The following CADM2 variants were observed in gnomAD, a reference collection of about 807,000 sequenced individuals.
CADM2 encodes cell adhesion molecule 2.
CADM2 carries 12 observed loss-of-function variants against 49.8 expected under a neutral mutation model. The observed-to-expected ratio is 0.24, with a 90% CI of 0.15 to 0.39. The LOEUF (loss-of-function observed/expected upper bound fraction) is 0.39, where lower values mean the gene tolerates loss of function less well. CADM2 is among the 10% of genes least tolerant of loss of function. CADM2 has a pLI of 1.00. For missense variants in CADM2, 378 were observed against 492.3 expected, an observed-to-expected ratio of 0.77 and a Z score of 2.20; for synonymous variants, 214 against 175.4, an observed-to-expected ratio of 1.22 and a Z score of -1.74.
intron 1 of CADM2, among the ~76,000 whole-genome samples, chr3:85,540,884 C>T (rs4856272): frequency 0.87 from 132,862 of 152,138 alleles, 58,168 homozygotes; most frequent in East Asian, 0.95. Context: ...TGTGTCCTCA[C>T]ATGGTTCATC....
chr3:85,913,000 C>T (rs934422919), intron 6 of CADM2, among the ~76,000 whole-genome samples: 1 of 152,028 alleles, frequency 6.6e-6, no homozygotes, highest in African/African-American at 2.4e-5. Flanking sequence ...AATATAGGAG[C>T]TTATTTATTA....
At chr3:85,905,943 A>C (rs1200262513) in intron 5 of CADM2, among the ~76,000 whole-genome samples, 2 of 152,284 alleles carry the variant, frequency 1.3e-5, no homozygotes, top group South Asian at 2.1e-4. Flanking sequence ...CTATAGGTAG[A>C]TGAGGAGCAG....
At chr3:85,716,394 C>T (rs908195293) in intron 1 of CADM2, among the ~76,000 whole-genome samples, 1 of 152,064 alleles carries the variant, frequency 6.6e-6, no homozygotes, top group African/African-American at 2.4e-5. Context: ...CTTGTAGATT[C>T]TAGATATTAG....
intron 2 of CADM2, among the ~76,000 whole-genome samples, chr3:85,775,960 T>C (rs2070339873): frequency 6.6e-6 from 1 of 151,872 alleles, no homozygotes; most frequent in Non-Finnish European, 1.5e-5. Flanking sequence ...GGCAACTATT[T>C]CTAACACGAA....
intron 1 of CADM2, among the ~76,000 whole-genome samples, chr3:85,493,418 C>A (rs2107650978): frequency 6.9e-6 from 1 of 144,688 alleles, no homozygotes; most frequent in African/African-American, 2.4e-5. Context: ...TATCAACTTT[C>A]ATTAAATTTT....
chr3:85,738,804 T>G (rs1289822493), intron 2 of CADM2, among the ~76,000 whole-genome samples: 1 of 152,164 alleles, frequency 6.6e-6, no homozygotes, highest in Non-Finnish European at 1.5e-5. Context: ...TCATCTTTAT[T>G]TGTTCTATTT....
intron 1 of CADM2, among the ~76,000 whole-genome samples, chr3:85,486,779 T>C (rs932958730): frequency 6.6e-6 from 1 of 152,176 alleles, no homozygotes; most frequent in Non-Finnish European, 1.5e-5. Context: ...TGAATCTAGA[T>C]ACCTTACTGA....
intron 1 of CADM2, among the ~76,000 whole-genome samples, chr3:85,538,505 A>G (rs190256736): frequency 2.4e-4 from 36 of 152,234 alleles, no homozygotes; most frequent in Admixed American, 4.6e-4. Flanking sequence ...AAGAGGAAAG[A>G]GACTGCTTTG....
intron 1 of CADM2, among the ~76,000 whole-genome samples, chr3:85,611,661 C>T (rs929348539): frequency 1.3e-5 from 2 of 151,398 alleles, no homozygotes; most frequent in Non-Finnish European, 1.5e-5. Context: ...GACCCACTGT[C>T]CCTGAACTAT....
At chr3:85,291,852 CATCGAGACTAGGAAGAA>C (rs1379885008) in intron 1 of CADM2, among the ~76,000 whole-genome samples, 1 of 148,948 alleles carries the variant, frequency 6.7e-6, no homozygotes, top group Non-Finnish European at 1.5e-5. Flanking sequence ...ATGTAAAGAC[CATCGAGACTAGGAAGAA>C]ACTGCATCAA....
chr3:85,051,255 G>T (rs2035872524), intron 1 of CADM2, among the ~76,000 whole-genome samples: 1 of 152,112 alleles, frequency 6.6e-6, no homozygotes, highest in African/African-American at 2.4e-5. Flanking sequence ...TTTTATCATG[G>T]CTGGGGCCAT....
At chr3:85,754,481 A>G (rs1029448070) in intron 2 of CADM2, among the ~76,000 whole-genome samples, 5 of 152,172 alleles carry the variant, frequency 3.3e-5, no homozygotes, top group African/African-American at 9.7e-5. Flanking sequence ...CCGTAAGCCT[A>G]GAAAGGTATT....
intron 1 of CADM2, among the ~76,000 whole-genome samples, chr3:85,308,340 C>CACACACAA (rs762259586): frequency 7.6e-4 from 114 of 149,242 alleles, no homozygotes; most frequent in African/African-American, 2.8e-3. Flanking sequence ...CACACACACA[C>CACACACAA]AACACTCCAT....
intron 1 of CADM2, among the ~76,000 whole-genome samples, chr3:85,492,450 G>A (rs959153269): frequency 3.9e-5 from 6 of 151,902 alleles, no homozygotes; most frequent in Non-Finnish European, 5.9e-5. Flanking sequence ...AAATTCGCCC[G>A]GCATGATAGT....
At chr3:85,331,815 T>C (rs2044938023) in intron 1 of CADM2, among the ~76,000 whole-genome samples, 2 of 152,082 alleles carry the variant, frequency 1.3e-5, no homozygotes, top group East Asian at 1.9e-4. Flanking sequence ...AGAGCCATTT[T>C]AACTGGAGTG....
At chr3:85,905,400 C>T (rs1049937085) in intron 5 of CADM2, among the ~76,000 whole-genome samples, 2 of 152,248 alleles carry the variant, frequency 1.3e-5, no homozygotes, top group Middle Eastern at 3.4e-3. Context: ...CAATTAAAGA[C>T]TGACAACTGT....
intron 7 of CADM2, among the ~76,000 whole-genome samples, chr3:85,959,142 A>ATC (rs1324091185): frequency 5.8e-5 from 6 of 103,746 alleles, no homozygotes; most frequent in African/African-American, 3.5e-4. Context: ...GTATATCTTT[A>ATC]TCTATCTATC....
At chr3:85,273,186 G>C (rs2043282202) in intron 1 of CADM2, among the ~76,000 whole-genome samples, 1 of 151,342 alleles carries the variant, frequency 6.6e-6, no homozygotes, top group Admixed American at 6.6e-5. Context: ...CAGTAGGTCA[G>C]TGTGGTTGTA....
intron 3 of CADM2, among the ~76,000 whole-genome samples, chr3:85,878,500 T>A (rs1024411685): frequency 1.3e-5 from 2 of 152,108 alleles, no homozygotes; most frequent in Non-Finnish European, 2.9e-5. Context: ...AATATCTAGT[T>A]TTTCCTCAGG....
Sources: gnomAD v4.1 joint callset for allele counts (sites outside exome capture counted in the v4.1 genomes callset) on GRCh38, gnomAD v4.1.1 for gene constraint, MANE v1.5 for transcripts, NCBI Gene and HGNC (gene_info 2026-07-23, HGNC 2026-07-21) for gene names.